The following LARGE1 variants were observed in gnomAD, a reference collection of about 807,000 sequenced individuals.
The protein encoded by LARGE1 is xylosyl- and glucuronyltransferase LARGE1.
Under a neutral mutation model 87.6 loss-of-function variants are expected in LARGE1, and 43 were observed. The ratio of observed to expected loss-of-function variants is 0.49; its 90% CI spans 0.38 to 0.63. The LOEUF is 0.63. LARGE1 is among the 30% of genes least tolerant of loss of function. The pLI is 0.00. For missense variants in LARGE1, 802 were observed against 1,000.2 expected, an observed-to-expected ratio of 0.80 and a Z score of 2.67; for synonymous variants, 434 against 394.6, an observed-to-expected ratio of 1.10 and a Z score of -1.18.
At chr22:33,458,879 C>A (rs1476534749) in intron 6 of LARGE1, among the ~76,000 whole-genome samples, 4 of 152,102 alleles carry the variant, frequency 2.6e-5, no homozygotes, top group Non-Finnish European at 5.9e-5. Context: ...CCCTACTTAT[C>A]CATTAGGGTC....
chr22:33,543,900 C>G (rs947431948), intron 6 of LARGE1, among the ~76,000 whole-genome samples: 4 of 152,182 alleles, frequency 2.6e-5, no homozygotes, highest in Non-Finnish European at 2.9e-5. Flanking sequence ...TGGGAAGCTT[C>G]CTGCTATTCT....
intron 12 of LARGE1, among the ~76,000 whole-genome samples, chr22:33,289,206 C>T (rs1486983031): frequency 6.6e-6 from 1 of 152,158 alleles, no homozygotes; most frequent in Non-Finnish European, 1.5e-5. Flanking sequence ...GATCTGCCTG[C>T]CTCAGCCTCC....
At chr22:33,478,671 C>T (rs2148178566) in intron 6 of LARGE1, among the ~76,000 whole-genome samples, 1 of 152,338 alleles carries the variant, frequency 6.6e-6, no homozygotes, top group East Asian at 1.9e-4. Flanking sequence ...ACATAATGAA[C>T]TGTCACAGGA....
chr22:33,263,809 A>T (rs1200339473), intron 11 of LARGE1, among the ~76,000 whole-genome samples: 7 of 152,248 alleles, frequency 4.6e-5, no homozygotes, highest in Admixed American at 6.5e-5. Flanking sequence ...ACGATGAAGG[A>T]CCTGTTACAA....
At chr22:33,631,390 A>G (rs755124966) in intron 3 of LARGE1, among the ~76,000 whole-genome samples, 14 of 152,200 alleles carry the variant, frequency 9.2e-5, no homozygotes, top group Non-Finnish European at 1.8e-4. Context: ...CACATTGTAC[A>G]GCTGTATGAA....
At chr22:33,199,632 T>C (rs1164782323) in intron 11 of LARGE1, among the ~76,000 whole-genome samples, 2 of 152,196 alleles carry the variant, frequency 1.3e-5, no homozygotes, top group Non-Finnish European at 2.9e-5. Flanking sequence ...CCTTAGCATA[T>C]ATATTTTTTG....
intron 9 of LARGE1, among the ~76,000 whole-genome samples, chr22:33,376,996 A>G (rs1346998615): frequency 3.3e-5 from 5 of 152,212 alleles, no homozygotes; most frequent in African/African-American, 1.2e-4. Context: ...ACAAGACCAG[A>G]AACCTGGGAG....
At chr22:33,126,002 C>G in the LARGE1 span, among the ~76,000 whole-genome samples, 1 of 152,318 alleles carries the variant, frequency 6.6e-6, no homozygotes, top group Non-Finnish European at 1.5e-5. Context: ...CCCGACTCAG[C>G]CTCTCAAAGT....
At chr22:33,748,024 C>CAAA (rs535230421) in intron 2 of LARGE1, among the ~76,000 whole-genome samples, 666 of 21,716 alleles carry the variant, frequency 0.031, 185 homozygotes, top group African/African-American at 0.07. Context: ...TCTGCTGGAG[C>CAAA]AAAAAAAAAA....
rs534464187 is a variant in LARGE1, at chr22:33,277,824, C to T, written c.1878-569G>A. ...ATCTGCTATCTGCACATTTCACTAA[C>T]GAGGAGATTCTCACTATGAAAAGGA... On this transcript the variant is annotated intron_variant, in intron 13 of 14. Transcript: ENST00000397394. 6.6e-5 allele frequency among the ~76,000 whole-genome samples: 10 copies of T among 152,192 alleles called. 1 individual carries two copies. Among genetic ancestry groups the T allele is most frequent in the Admixed American group, 1.3e-4 (2 of 15,274 alleles).
chr22:33,622,368 C>T (rs897908586), intron 4 of LARGE1, among the ~76,000 whole-genome samples: 14 of 152,118 alleles, frequency 9.2e-5, no homozygotes, highest in Non-Finnish European at 1.5e-4. Flanking sequence ...GCCTTGCTCC[C>T]GCTTCACCTT....
At chr22:33,462,691 T>C (rs1293460187) in intron 6 of LARGE1, among the ~76,000 whole-genome samples, 1 of 152,032 alleles carries the variant, frequency 6.6e-6, no homozygotes, top group African/African-American at 2.4e-5. Flanking sequence ...TGAGGCAGGA[T>C]AATTGCTTGA....
chr22:33,760,252 A>G (rs1310119069), intron 2 of LARGE1, among the ~76,000 whole-genome samples: 1 of 152,202 alleles, frequency 6.6e-6, no homozygotes, highest in Non-Finnish European at 1.5e-5. Flanking sequence ...TCTGAAGCCT[A>G]GAAAACCATC....
At chr22:33,550,791 C>A (rs1331350242) in intron 6 of LARGE1, among the ~76,000 whole-genome samples, 1 of 152,208 alleles carries the variant, frequency 6.6e-6, no homozygotes, top group Non-Finnish European at 1.5e-5. Flanking sequence ...ATGAAATCAA[C>A]CGACGTGCCC....
intron 1 of LARGE1, among the ~76,000 whole-genome samples, chr22:33,904,443 C>T (rs1394969807): frequency 2.0e-5 from 3 of 152,178 alleles, no homozygotes; most frequent in Non-Finnish European, 4.4e-5. Context: ...TATGAGCCAC[C>T]GCGCCTGGCC....
intron 11 of LARGE1, among the ~76,000 whole-genome samples, chr22:33,217,472 CAT>C (rs1483061761): frequency 2.0e-5 from 3 of 152,154 alleles, no homozygotes; most frequent in South Asian, 2.1e-4. Flanking sequence ...GTCTCCCAAA[CAT>C]AATGTGGGGC....
the LARGE1 span, among the ~76,000 whole-genome samples, chr22:33,071,447 C>A: frequency 6.6e-6 from 1 of 152,186 alleles, no homozygotes; most frequent in African/African-American, 2.4e-5. Flanking sequence ...GTCTCCTCCA[C>A]TAGACTCTGA....
intron 9 of LARGE1, among the ~76,000 whole-genome samples, chr22:33,374,574 CTT>C (rs1203962506): frequency 6.6e-6 from 1 of 152,144 alleles, no homozygotes; most frequent in East Asian, 1.9e-4. Context: ...AAAATTCTAA[CTT>C]AAGTTTTATT....
rs2078154097 is a variant in LARGE1, at chr22:33,570,177, CAGG to C, written c.616-5161_616-5159del. On this transcript the variant is annotated intron_variant, in intron 5 of 14. Transcript: ENST00000397394. ...GGGGCCTACAATGTTATAGTATTCA[CAGG>C]AGAAGGCACAGCATCCAGCCTCATG... is the stretch of plus-strand genomic sequence containing the variant. Among the ~76,000 whole-genome samples, 3 of 152,276 alleles carry C rather than the reference CAGG, an allele frequency of 2.0e-5. No homozygotes were observed. In the South Asian group the frequency reaches 6.2e-4, roughly 32 times the overall value.
Sources: allele counts gnomAD v4.1 joint callset (sites outside exome capture counted in the v4.1 genomes callset), GRCh38; gene constraint gnomAD v4.1.1; transcripts MANE v1.5; gene names NCBI Gene and HGNC (gene_info 2026-07-23, HGNC 2026-07-21).